Variants in ZNF713 observed in about 807,000 individuals in gnomAD.
ZNF713 encodes the protein zinc finger protein 713.
Under a neutral mutation model 28.7 loss-of-function variants are expected in ZNF713, and 21 were observed. The ratio of observed to expected loss-of-function variants is 0.73; its 90% CI spans 0.52 to 1.05. The LOEUF (loss-of-function observed/expected upper bound fraction) is 1.05. Ranked by LOEUF, ZNF713 falls within the 50% of genes least tolerant of loss-of-function variation. ZNF713 has a pLI of 0.00. For missense variants in ZNF713, 458 were observed against 532.4 expected, an observed-to-expected ratio of 0.86 and a Z score of 1.37; for synonymous variants, 167 against 178.0, an observed-to-expected ratio of 0.94 and a Z score of 0.49.
intron 1 of ZNF713, among the ~76,000 whole-genome samples, chr7:55,904,558 G>C (rs2116195701): frequency 6.7e-6 from 1 of 148,746 alleles, no homozygotes; most frequent in Non-Finnish European, 1.5e-5. Context: ...AGTTTCAGCA[G>C]AGTACTGAGG....
chr7:55,911,695 G>A lies in ZNF713; in HGVS notation c.-376G>A, dbSNP rs932883904. 6.6e-6 allele frequency: 1 copy of A among 152,002 alleles called. No individual in the cohort carries two copies. The highest frequency in any genetic ancestry group is 2.4e-5 in the African/African-American group (1 of 41,370). 9.4% of individuals were successfully genotyped at this position (152,002 alleles called of 1,614,324 possible). A position where few individuals can be genotyped will look rare whatever the true frequency, so the allele number is the denominator to read the frequency against. ...TACTATAGTGAAGTCTGTACATGAA[G>A]AAATGATGCTTTTAGGGAGGAAAAA... On this transcript the variant is annotated 5_prime_UTR_variant, in exon 3 of 7. Coordinates refer to ENST00000429591, the MANE Select transcript of ZNF713 (RefSeq NM_182633.3).
At chr7:55,903,085 G>A (rs1785607690) in intron 1 of ZNF713, among the ~76,000 whole-genome samples, 1 of 151,738 alleles carries the variant, frequency 6.6e-6, no homozygotes, top group Admixed American at 6.6e-5. Context: ...GACAAGTAGA[G>A]TGAGTGGTAT....
chr7:55,917,030 C>T (rs947111308), intron 4 of ZNF713, among the ~76,000 whole-genome samples: 10 of 151,928 alleles, frequency 6.6e-5, no homozygotes, highest in South Asian at 2.1e-4. Context: ...CTGGCTAACA[C>T]GGTGAAACCC....
intron 1 of ZNF713, among the ~76,000 whole-genome samples, chr7:55,895,867 G>A (rs1785464565): frequency 6.6e-6 from 1 of 152,170 alleles, no homozygotes; most frequent in Admixed American, 6.6e-5. Flanking sequence ...TTTTATAGAT[G>A]AGGAAGTGGA....
At chr7:55,930,741 G>A (rs1786193988) in intron 6 of ZNF713, among the ~76,000 whole-genome samples, 1 of 152,116 alleles carries the variant, frequency 6.6e-6, no homozygotes, top group Non-Finnish European at 1.5e-5. Context: ...CCTCCAGCCT[G>A]GGCAACAGAG....
chr7:55,900,911 T>C (rs1785563529), intron 1 of ZNF713, among the ~76,000 whole-genome samples: 1 of 152,202 alleles, frequency 6.6e-6, no homozygotes, highest in Non-Finnish European at 1.5e-5. Context: ...CCTCAAGTGA[T>C]CCACCCACCT....
intron 6 of ZNF713, among the ~76,000 whole-genome samples, chr7:55,926,781 G>A (rs990780619): frequency 5.9e-5 from 9 of 152,154 alleles, no homozygotes; most frequent in African/African-American, 1.4e-4. Flanking sequence ...CATGAACAAC[G>A]GGGAGGTTTA....
At chr7:55,928,619 A>T (rs13222500) in intron 6 of ZNF713, among the ~76,000 whole-genome samples, 7,092 of 152,266 alleles carry the variant, frequency 0.047, 292 homozygotes, top group East Asian at 0.22. Context: ...TGAAGGCACA[A>T]ACAACTACCA....
At chr7:55,897,596 A>G (rs1785497494) in intron 1 of ZNF713, among the ~76,000 whole-genome samples, 1 of 152,142 alleles carries the variant, frequency 6.6e-6, no homozygotes, top group African/African-American at 2.4e-5. Context: ...TCTGTCCTGT[A>G]GGTAGCCTTA....
At chr7:55,935,510 G>T (rs929495145) in intron 6 of ZNF713, among the ~76,000 whole-genome samples, 1 of 151,998 alleles carries the variant, frequency 6.6e-6, no homozygotes, top group Admixed American at 6.6e-5. Flanking sequence ...TCATATATAC[G>T]TGTGTGTTAG....
chr7:55,918,904 G>A (rs980059745), intron 4 of ZNF713, among the ~76,000 whole-genome samples: 1 of 151,982 alleles, frequency 6.6e-6, no homozygotes, highest in Admixed American at 6.6e-5. Flanking sequence ...TGAGACAGGA[G>A]AATCGCCTGA....
At chr7:55,907,156 AT>A (rs1435880037) in intron 2 of ZNF713, among the ~76,000 whole-genome samples, 1 of 152,118 alleles carries the variant, frequency 6.6e-6, no homozygotes, top group African/African-American at 2.4e-5. Context: ...CTATGTTGGC[AT>A]TTTTGCTGAG....
At chr7:55,921,018 C>G (rs570652060) in intron 4 of ZNF713, among the ~76,000 whole-genome samples, 1 of 152,202 alleles carries the variant, frequency 6.6e-6, no homozygotes, top group Admixed American at 6.5e-5. Context: ...TGACTTTAAG[C>G]TGGAGCCAAT....
Position 55,939,060 on chromosome 7 carries a change from T to C in ZNF713, c.386T>C (p.Ile129Thr), listed in dbSNP as rs1173604228. Residue 129 changes from isoleucine to threonine, a missense_variant, in exon 7 of 7, where the codon ATA becomes ACA. Physicochemically the swap from Ile to Thr is moderately conservative, Grantham distance 89 (BLOSUM62 -1). Transcript: ENST00000429591. Reference sequence around the variant, plus strand: ...GATGAAAATCAAACCCATGAGATGATAATGGAGAGACTCGCAGGAGACAGC... The same window carrying C: ...GATGAAAATCAAACCCATGAGATGACAATGGAGAGACTCGCAGGAGACAGC... ...ISDENQTHEM[I>T]MERLAGDSFW... The C allele has an allele frequency of 1.9e-5, 30 of 1,613,662 alleles. No homozygotes were observed. Among genetic ancestry groups the C allele is most frequent in the Admixed American group, 6.7e-5 (4 of 59,918 alleles).
intron 6 of ZNF713, among the ~76,000 whole-genome samples, chr7:55,938,605 A>T (rs927105059): frequency 3.3e-5 from 5 of 151,414 alleles, no homozygotes; most frequent in African/African-American, 1.2e-4. Flanking sequence ...GGCGTATGAG[A>T]TTTATAAAGG....
intron 6 of ZNF713, among the ~76,000 whole-genome samples, chr7:55,927,447 T>C (rs1786117802): frequency 6.6e-6 from 1 of 151,752 alleles, no homozygotes; most frequent in Non-Finnish European, 1.5e-5. Flanking sequence ...CACTTGAGCC[T>C]AGGTGGTCGA....
chr7:55,894,683 T>G (rs966172524), intron 1 of ZNF713, among the ~76,000 whole-genome samples: 5 of 152,318 alleles, frequency 3.3e-5, no homozygotes, highest in African/African-American at 1.2e-4. Context: ...AAAAACTGTA[T>G]GTCTAACAGT....
intron 6 of ZNF713, among the ~76,000 whole-genome samples, chr7:55,937,531 C>G (rs950491810): frequency 6.6e-6 from 1 of 152,002 alleles, no homozygotes; most frequent in Admixed American, 6.6e-5. Flanking sequence ...GGTTCTATTA[C>G]CCAGGACTGA....
rs1224543880 is a variant in ZNF713 at position 55,887,631 on chromosome 7, G to GCGGCGGCGT, written c.-630_-622dup. 1.1e-5 allele frequency: 2 copies of GCGGCGGCGT among 188,196 alleles called. No individual in the cohort carries two copies. The highest frequency in any genetic ancestry group is 2.0e-5 in the Non-Finnish European group (2 of 98,326). The allele number at this position is 188,196 out of a possible 1,614,324, so 11.7% of individuals were successfully genotyped here. A position where few individuals can be genotyped will look rare whatever the true frequency, so the allele number is the denominator to read the frequency against. On this transcript the variant is annotated 5_prime_UTR_variant, in exon 1 of 7. Transcript: ENST00000429591. ...GGCGGCGGCGGCGGCGGCGGCGGCG[G>GCGGCGGCGT]CGGCGGCGTCAGGGGGCGGAGCCTG...
Sources: gnomAD v4.1 joint callset for allele counts (sites outside exome capture counted in the v4.1 genomes callset) on GRCh38, gnomAD v4.1.1 for gene constraint, MANE v1.5 for transcripts, NCBI Gene and HGNC (gene_info 2026-07-23, HGNC 2026-07-21) for gene names.